SPATA7: variants seen among roughly 807,000 people sequenced by gnomAD.
The protein encoded by SPATA7 is spermatogenesis associated 7, also known as spermatogenesis-associated protein 7.
A neutral mutation model predicts 51.8 loss-of-function variants in SPATA7; 43 were observed. That is an observed-to-expected ratio of 0.83 (90% CI 0.65 to 1.07). The LOEUF is 1.07. Ranked by LOEUF, SPATA7 falls within the 50% of genes least tolerant of loss-of-function variation. SPATA7 has a pLI of 0.00. For synonymous variants in SPATA7, 230 were observed against 252.8 expected (o/e 0.91, Z 0.86); for missense variants, 683 against 701.3 (o/e 0.97, Z 0.30).
At chr14:88,391,343 A>G (rs749613202) in intron 1 of SPATA7, 38 bp from the exon 2 acceptor site, 6 of 1,509,246 alleles carry the variant, frequency 4.0e-6, no homozygotes, top group Non-Finnish European at 5.5e-6. Flanking sequence ...GTTGTGTTTC[A>G]TTTATCCTAA....
At chr14:88,460,748 G>T (rs1432977319) in intron 4 of SPATA7, among the ~76,000 whole-genome samples, 1 of 152,200 alleles carries the variant, frequency 6.6e-6, no homozygotes, top group Non-Finnish European at 1.5e-5. Flanking sequence ...TCCGTTGCTG[G>T]TAAGGAGCTG....
chr14:88,406,212 G>A (rs957797315), intron 4 of SPATA7, among the ~76,000 whole-genome samples: 19 of 151,948 alleles, frequency 1.3e-4, no homozygotes, highest in African/African-American at 4.6e-4. Context: ...TCCTAACCTG[G>A]AATATAGTTT....
intron 4 of SPATA7, among the ~76,000 whole-genome samples, chr14:88,404,526 G>A (rs1163521903): frequency 1.3e-5 from 2 of 152,104 alleles, no homozygotes; most frequent in Admixed American, 1.3e-4. Flanking sequence ...AGACCAGCCT[G>A]GCCAACATAA....
chr14:88,391,855 C>T, intron 2 of SPATA7: 1 of 186,680 alleles, frequency 5.4e-6, no homozygotes, highest in Non-Finnish European at 1.1e-5. Flanking sequence ...GGAGCAAAGG[C>T]CTATGGGCCT....
rs371901116 is a variant in SPATA7, at chr14:88,396,138, A to G, written c.191-18A>G. 5.6e-6 allele frequency: 9 copies of G among 1,595,186 alleles called. No individual in the cohort carries two copies. The highest frequency in any genetic ancestry group is 8.6e-7 in the Non-Finnish European group (1 of 1,164,010). On this transcript the variant is annotated intron_variant, in intron 3 of 11. Coordinates refer to ENST00000393545, the MANE Select transcript of SPATA7 (RefSeq NM_018418.5). The stretch of plus-strand genomic sequence containing the variant: ...TAAATACTGACAATATTATTAAACT[A>G]TTACCTTTCTCTTTCAGCTGCAGTA...
chr14:88,447,732 C>T (rs1475556943), intron 3 of SPATA7, among the ~76,000 whole-genome samples: 1 of 151,920 alleles, frequency 6.6e-6, no homozygotes, highest in Non-Finnish European at 1.5e-5. Flanking sequence ...TTTATTTCTC[C>T]TTCACTTCTG....
At chr14:88,470,216 C>G in exon 5 of SPATA7, 1 of 648,166 alleles carries the variant, frequency 1.5e-6, no homozygotes. Context: ...TCATCTTTTC[C>G]CTTGTGAATA....
chr14:88,425,033 G>T (rs2139991916), intron 5 of SPATA7, among the ~76,000 whole-genome samples: 1 of 152,228 alleles, frequency 6.6e-6, no homozygotes, highest in South Asian at 2.1e-4. Flanking sequence ...AAGTTTTTAA[G>T]TAGACAATAT....
chr14:88,392,634 C>T (rs1394117320), intron 2 of SPATA7, among the ~76,000 whole-genome samples: 1 of 152,090 alleles, frequency 6.6e-6, no homozygotes, highest in East Asian at 1.9e-4. Context: ...GGAAGGGAGA[C>T]TAAAGGTCAG....
chr14:88,451,290 C>T (rs2077248944), intron 3 of SPATA7, among the ~76,000 whole-genome samples: 1 of 152,076 alleles, frequency 6.6e-6, no homozygotes, highest in African/African-American at 2.4e-5. Context: ...CTATCTCAGC[C>T]TCCCGAGTAG....
chr14:88,427,821 ATAGCC>A, intron 7 of SPATA7, 125 bp downstream of exon 7: 1 of 743,744 alleles, frequency 1.3e-6, no homozygotes, highest in Non-Finnish European at 2.4e-6. Context: ...CATACATGAT[ATAGCC>A]AGTATACAGA....
At chr14:88,424,041 A>G (rs930206137) in intron 5 of SPATA7, among the ~76,000 whole-genome samples, 1 of 152,236 alleles carries the variant, frequency 6.6e-6, no homozygotes, top group Non-Finnish European at 1.5e-5. Flanking sequence ...AATCACAGAA[A>G]CAGTGCACAA....
intron 11 of SPATA7, 116 bp downstream of exon 11, chr14:88,437,713 T>A: frequency 7.4e-7 from 1 of 1,346,638 alleles, no homozygotes. Flanking sequence ...TCCCTTGAAC[T>A]TTTTTGAGGG....
At chr14:88,459,250 G>A (rs1165893123), downstream of SPATA7, among the ~76,000 whole-genome samples, 1 of 152,200 alleles carries the variant, frequency 6.6e-6, no homozygotes, top group Non-Finnish European at 1.5e-5. Context: ...GCTTGGTGCA[G>A]AGCTGAGTTC....
chr14:88,427,047 T>G lies in SPATA7; in HGVS notation c.845+343T>G, dbSNP rs532952911. Among the ~76,000 whole-genome samples the G allele has an allele frequency of 2.6e-5, 4 of 152,342 alleles. No individual in the cohort carries two copies. In the East Asian group the frequency reaches 7.7e-4, roughly 29 times the overall value. On this transcript the variant is annotated intron_variant, in intron 6 of 11. Coordinates refer to ENST00000393545, the MANE Select transcript of SPATA7 (RefSeq NM_018418.5). ...TTGTGGAAATATGCATATTGATTCA[T>G]GTTAAAAGTGGCGAAACAATGGGCT... is the stretch of plus-strand genomic sequence containing the variant.
chr14:88,403,484 T>C (rs935876407), intron 4 of SPATA7, among the ~76,000 whole-genome samples: 1 of 152,030 alleles, frequency 6.6e-6, no homozygotes, highest in Non-Finnish European at 1.5e-5. Context: ...TACACACACA[T>C]ACACACAACC....
intron 4 of SPATA7, chr14:88,466,370 T>C (rs1384269180): frequency 6.6e-6 from 1 of 152,118 alleles, no homozygotes; most frequent in African/African-American, 2.4e-5. Context: ...TCTTAGGTGG[T>C]TGGTTTCTGG....
downstream of SPATA7, among the ~76,000 whole-genome samples, chr14:88,441,407 C>G (rs1205302234): frequency 6.6e-6 from 1 of 152,146 alleles, no homozygotes; most frequent in African/African-American, 2.4e-5. Flanking sequence ...ACCTTTAGTT[C>G]TTTAAGGAAT....
intron 4 of SPATA7, among the ~76,000 whole-genome samples, chr14:88,411,568 A>G (rs1275555623): frequency 6.6e-6 from 1 of 151,064 alleles, no homozygotes; most frequent in African/African-American, 2.5e-5. Context: ...TATCTGGGCC[A>G]GAGTGCACAC....
Sources: gnomAD v4.1 joint callset for allele counts (sites outside exome capture counted in the v4.1 genomes callset) on GRCh38, gnomAD v4.1.1 for gene constraint, MANE v1.5 for transcripts, NCBI Gene and HGNC (gene_info 2026-07-23, HGNC 2026-07-21) for gene names.